NR3C1: variants seen among roughly 807,000 people sequenced by gnomAD.
NR3C1 encodes the protein glucocorticoid receptor.
A neutral mutation model predicts 74.0 loss-of-function variants in NR3C1; 14 were observed. That is an observed-to-expected ratio of 0.19 (90% CI 0.12 to 0.30). The LOEUF is 0.30. Among genes scored for constraint, NR3C1 ranks in the 10% least tolerant of loss-of-function variants. The pLI is 1.00. For synonymous variants in NR3C1, 308 were observed against 332.5 expected (o/e 0.93, Z 0.80); for missense variants, 695 against 909.8 (o/e 0.76, Z 3.04).
intron 2 of NR3C1, among the ~76,000 whole-genome samples, chr5:143,347,709 G>C (rs10482644): frequency 6.6e-5 from 10 of 152,300 alleles, no homozygotes; most frequent in Non-Finnish European, 1.0e-4. Flanking sequence ...AACACCAAGG[G>C]ATAAGTATCA....
chr5:143,400,791 T>C lies in NR3C1; in HGVS notation c.49A>G (p.Ser17Gly). The change falls in exon 2 of 9, where the codon AGT becomes GGT. Residue 17 changes from serine (S) to glycine (G), a missense_variant. Physicochemically the swap from Ser to Gly is moderately conservative, Grantham distance 56. This residue lies in a region of NR3C1 where 497 missense variants were observed against 489.5 expected (regional missense o/e 1.02). Transcript: ENST00000394464. ...TCTCCCCTCTCCTGAGCAAGCACAC[T>C]GCTGGGGTTTTCTTCTCTACCAGGA... ...LTPGREENPS[S>G]VLAQERGDVM... is the part of the protein sequence containing the mutation. 6.2e-7 allele frequency: 1 copy of C among 1,614,160 alleles called. No homozygotes were observed.
At chr5:143,283,438 G>C (rs1455045488) in intron 7 of NR3C1, among the ~76,000 whole-genome samples, 11 of 152,114 alleles carry the variant, frequency 7.2e-5, no homozygotes, top group Non-Finnish European at 1.6e-4. Flanking sequence ...ATAATACAGT[G>C]ATTTTTAGTT....
chr5:143,311,921 G>T (rs1821071163), intron 3 of NR3C1, among the ~76,000 whole-genome samples: 1 of 145,318 alleles, frequency 6.9e-6, no homozygotes, highest in Admixed American at 6.9e-5. Flanking sequence ...GTGAGCCACA[G>T]TGCACAGCCC....
chr5:143,405,059 G>A (rs1321292907), upstream of NR3C1: 8 of 927,100 alleles, frequency 8.6e-6, no homozygotes, highest in Non-Finnish European at 1.0e-5. Context: ...GTGGGGCGAG[G>A]GGTGCCCGTG....
rs149291081 is a variant in NR3C1 at position 143,287,806 on chromosome 5, T to G, written c.2024-5081A>C. On this transcript the variant is annotated intron_variant, in intron 7 of 8. Coordinates refer to ENST00000394464, the MANE Select transcript of NR3C1 (RefSeq NM_000176.3). ...TATATATGGAAAAGATTATATACCA[T>G]GATCTAGTCAGAAAACTAGATCTTA... 7.4e-4 allele frequency among the ~76,000 whole-genome samples: 113 copies of G among 152,324 alleles called. 1 individual carries two copies. The highest frequency in any genetic ancestry group is 2.6e-3 in the African/African-American group (110 of 41,576).
rs181582832 is a variant in NR3C1, at chr5:143,294,012, G to A, written c.2023+1448C>T. 11 of 985,136 alleles carry A rather than the reference G, an allele frequency of 1.1e-5. No individual in the cohort carries two copies. In the East Asian group the frequency reaches 3.4e-4, roughly 30 times the overall value. 61.0% of individuals were successfully genotyped at this position (985,136 alleles called of 1,614,324 possible). A position where few individuals can be genotyped will look rare whatever the true frequency, so the allele number is the denominator to read the frequency against. ...TGTACCGCTACAGGTAACATTAAAC[G>A]TCTCTAGCAATGATCTTTATCGGGT... On this transcript the variant is annotated intron_variant, in intron 7 of 8. Coordinates refer to ENST00000394464, the MANE Select transcript of NR3C1 (RefSeq NM_000176.3).
chr5:143,346,062 T>C (rs1040899630), intron 2 of NR3C1, among the ~76,000 whole-genome samples: 1 of 152,222 alleles, frequency 6.6e-6, no homozygotes, highest in African/African-American at 2.4e-5. Context: ...AAACATACAA[T>C]GTTATGACTT....
intron 2 of NR3C1, among the ~76,000 whole-genome samples, chr5:143,343,884 A>G (rs1828711435): frequency 6.6e-6 from 1 of 152,228 alleles, no homozygotes; most frequent in South Asian, 2.1e-4. Flanking sequence ...ATAGAGATTA[A>G]ATAAACCAGC....
At chr5:143,299,217 C>T (rs1174274422) in intron 5 of NR3C1, among the ~76,000 whole-genome samples, 2 of 151,612 alleles carry the variant, frequency 1.3e-5, no homozygotes, top group Admixed American at 6.6e-5. Flanking sequence ...TTTTGCTATG[C>T]TGGCCAGGCT....
At chr5:143,340,050 G>A (rs1282732767) in intron 2 of NR3C1, among the ~76,000 whole-genome samples, 3 of 151,860 alleles carry the variant, frequency 2.0e-5, no homozygotes, top group Non-Finnish European at 2.9e-5. Flanking sequence ...CTATATATGC[G>A]ACAAACAATT....
intron 2 of NR3C1, among the ~76,000 whole-genome samples, chr5:143,364,948 C>A (rs1832930533): frequency 6.6e-6 from 1 of 152,110 alleles, no homozygotes; most frequent in African/African-American, 2.4e-5. Context: ...CTCAAGCTAT[C>A]CTCCTGCCTC....
intron 2 of NR3C1, among the ~76,000 whole-genome samples, chr5:143,376,701 G>C (rs1438732): frequency 0.14 from 21,981 of 152,102 alleles, 1,760 homozygotes; most frequent in African/African-American, 0.16. Flanking sequence ...CAAAAACTCA[G>C]ACTCTTGGGT....
At chr5:143,305,524 G>A (rs1382578472) in intron 4 of NR3C1, among the ~76,000 whole-genome samples, 1 of 152,194 alleles carries the variant, frequency 6.6e-6, no homozygotes, top group Non-Finnish European at 1.5e-5. Context: ...ACTGGATAAA[G>A]AAAATGTGGT....
chr5:143,429,806 G>A (rs1332305096), intron 1 of NR3C1, among the ~76,000 whole-genome samples: 1 of 152,138 alleles, frequency 6.6e-6, no homozygotes, highest in Non-Finnish European at 1.5e-5. Context: ...TTGGTCTGGT[G>A]CGGTGGCTTA....
intron 2 of NR3C1, among the ~76,000 whole-genome samples, chr5:143,378,919 T>C (rs1439667322): frequency 5.3e-5 from 8 of 152,146 alleles, no homozygotes; most frequent in Admixed American, 2.6e-4. Flanking sequence ...ACCCAGTGTG[T>C]ATAGGATGGA....
intron 1 of NR3C1, among the ~76,000 whole-genome samples, chr5:143,421,290 T>G (rs1751217664): frequency 6.6e-6 from 1 of 152,192 alleles, no homozygotes; most frequent in Non-Finnish European, 1.5e-5. Flanking sequence ...AGGGCTTGCA[T>G]GTTTTTACTA....
At chr5:143,434,635 G>A (rs1015796668) in exon 1 of NR3C1, 2 of 985,324 alleles carry the variant, frequency 2.0e-6, no homozygotes, top group Admixed American at 6.1e-5. Context: ...TAAAGCCCGA[G>A]GAGGGTAGGA....
At chr5:143,417,028 C>G (rs1321104771) in intron 1 of NR3C1, among the ~76,000 whole-genome samples, 1 of 152,092 alleles carries the variant, frequency 6.6e-6, no homozygotes, top group African/African-American at 2.4e-5. Context: ...TGGTAATCCT[C>G]TAAGAAATGT....
At chr5:143,342,711 T>C (rs1229060675) in intron 2 of NR3C1, among the ~76,000 whole-genome samples, 1 of 152,206 alleles carries the variant, frequency 6.6e-6, no homozygotes. Flanking sequence ...AAATGTGCTT[T>C]GTAATTGGAA....
Sources: allele counts gnomAD v4.1 joint callset (sites outside exome capture counted in the v4.1 genomes callset), GRCh38; gene constraint gnomAD v4.1.1; regional missense constraint gnomAD v4.1.1; transcripts MANE v1.5; gene names NCBI Gene and HGNC (gene_info 2026-07-23, HGNC 2026-07-21).